Variants in UTP18 observed in about 807,000 individuals in gnomAD.
UTP18 encodes U3 small nucleolar RNA-associated protein 18 homolog.
Under a neutral mutation model 61.1 loss-of-function variants are expected in UTP18, and 36 were observed. That is an observed-to-expected ratio of 0.59 (90% CI 0.45 to 0.78). UTP18 has a LOEUF of 0.78. Among genes scored for constraint, UTP18 ranks in the 30% least tolerant of loss-of-function variants. The pLI, the probability that UTP18 is intolerant of heterozygous loss-of-function variation, is 0.00. For synonymous variants in UTP18, 282 were observed against 251.1 expected (o/e 1.12, Z -1.16); for missense variants, 753 against 693.9 (o/e 1.09, Z -0.96).
chr17:51,272,968 A>G (rs1904576979), intron 4 of UTP18, among the ~76,000 whole-genome samples: 1 of 152,172 alleles, frequency 6.6e-6, no homozygotes, highest in Non-Finnish European at 1.5e-5. Context: ...GTTTTTATTC[A>G]TGTGAGTTGT....
At position 51,285,442 on chromosome 17, in the gene UTP18, A is replaced by G. The variant is rs552570643; in HGVS notation, c.1328+74A>G. 209 of 1,543,398 alleles carry G rather than the reference A, an allele frequency of 1.4e-4. 1 individual carries two copies. In the African/African-American group the frequency reaches 2.3e-3, roughly 17 times the overall value. On this transcript the variant is annotated intron_variant, in intron 10 of 13. Transcript: ENST00000225298. ...AATATGTTGAGGAATTGAATATACT[A>G]GGTGGTGCATGAGTAGTTCTCTTTA...
intron 7 of UTP18, among the ~76,000 whole-genome samples, chr17:51,278,836 G>A (rs1471363974): frequency 6.6e-6 from 1 of 152,220 alleles, no homozygotes; most frequent in African/African-American, 2.4e-5. Context: ...GCCTTTCATA[G>A]TAAGGAGACT....
intron 7 of UTP18, among the ~76,000 whole-genome samples, chr17:51,277,657 T>C (rs1389858958): frequency 6.6e-6 from 1 of 152,212 alleles, no homozygotes; most frequent in Non-Finnish European, 1.5e-5. Context: ...CTGTTTCACC[T>C]CTCTGATCTT....
intron 11 of UTP18, among the ~76,000 whole-genome samples, chr17:51,289,424 G>A (rs1905192953): frequency 6.7e-6 from 1 of 149,352 alleles, no homozygotes; most frequent in Admixed American, 6.7e-5. Flanking sequence ...GGTCAGGCTG[G>A]TCTCGAACTC....
intron 4 of UTP18, among the ~76,000 whole-genome samples, chr17:51,270,208 A>G (rs1454106562): frequency 2.0e-5 from 3 of 152,046 alleles, no homozygotes; most frequent in East Asian, 1.9e-4. Context: ...AGTTTTTCCT[A>G]TTTTGAAATG....
intron 2 of UTP18, 77 bp from the exon 3 acceptor site, chr17:51,266,105 C>G (rs2055558131): frequency 9.0e-7 from 1 of 1,106,290 alleles, no homozygotes; most frequent in South Asian, 2.0e-5. Context: ...AAACATTTTT[C>G]TCCAAGTGCT....
chr17:51,260,571 C>G lies in UTP18; in HGVS notation c.-14C>G, dbSNP rs751192829. The G allele has an allele frequency of 3.1e-6, 5 of 1,609,774 alleles. No homozygotes were observed. Among genetic ancestry groups the G allele is most frequent in the Admixed American group, 3.4e-5 (2 of 59,328 alleles). Reference sequence around the variant, plus strand: ...GTTCCACGTGAGCGCCTGCGTTTCTCCTCAAACCTAACGATGCCGCCGGAG... The same window carrying G: ...GTTCCACGTGAGCGCCTGCGTTTCTGCTCAAACCTAACGATGCCGCCGGAG... On this transcript the variant is annotated 5_prime_UTR_variant, in exon 1 of 14. Transcript: ENST00000225298.
intron 2 of UTP18, among the ~76,000 whole-genome samples, chr17:51,264,621 G>A (rs1396986568): frequency 1.3e-5 from 2 of 150,116 alleles, no homozygotes; most frequent in East Asian, 1.9e-4. Context: ...GACTCTGTCA[G>A]TTTGGTAGTG....
chr17:51,285,745 A>C (rs921688303), intron 10 of UTP18, among the ~76,000 whole-genome samples: 5 of 152,228 alleles, frequency 3.3e-5, no homozygotes, highest in African/African-American at 7.2e-5. Flanking sequence ...CCTAATTTAT[A>C]AATTAAACTT....
At chr17:51,284,745 T>C (rs896120884) in intron 9 of UTP18, among the ~76,000 whole-genome samples, 2 of 152,180 alleles carry the variant, frequency 1.3e-5, no homozygotes, top group African/African-American at 2.4e-5. Context: ...CAGTTTTCTT[T>C]TGTATATGTG....
Position 51,293,894 on chromosome 17 carries a change from C to T in UTP18, c.1504-9C>T. The T allele has an allele frequency of 6.4e-7, 1 of 1,555,560 alleles. No individual in the cohort carries two copies. ...GTTACACTTTAAAGTTTTTTATTAT[C>T]TCCTGCAGGTTCATCTTCCTTCCTG... is the stretch of plus-strand genomic sequence containing the variant. On this transcript the variant is annotated splice_polypyrimidine_tract_variant and intron_variant, in intron 11 of 13. Coordinates refer to ENST00000225298, the MANE Select transcript of UTP18 (RefSeq NM_016001.3).
intron 11 of UTP18, among the ~76,000 whole-genome samples, chr17:51,290,970 C>T (rs1325623864): frequency 6.6e-6 from 1 of 152,206 alleles, no homozygotes; most frequent in East Asian, 1.9e-4. Context: ...ACTCAGAAGT[C>T]AAATTCCTGT....
At chr17:51,280,145 A>C (rs758394742) in intron 8 of UTP18, 40 bp downstream of exon 8, 1 of 1,577,856 alleles carries the variant, frequency 6.3e-7, no homozygotes, top group South Asian at 1.1e-5. Flanking sequence ...CTCCCACAAG[A>C]CACTAGTGTA....
rs1203655255 is a variant in UTP18, at chr17:51,279,656, CAAA to C, written c.1013-348_1013-346del. Among the ~76,000 whole-genome samples, 7 of 152,174 alleles carry C rather than the reference CAAA, an allele frequency of 4.6e-5. No homozygotes were observed. The South Asian group carries it at 6.2e-4, about 14-fold the overall frequency. On this transcript the variant is annotated intron_variant, in intron 7 of 13. Transcript: ENST00000225298. ...TCCCTTCTGGTAATGAACTTTGTGACAAAGAAGTATAATTTATCCTTTTAGTAA... is the reference window on the plus strand; with the variant it reads ...TCCCTTCTGGTAATGAACTTTGTGACGAAGTATAATTTATCCTTTTAGTAA...
At chr17:51,267,201 G>A (rs916272544) in intron 3 of UTP18, among the ~76,000 whole-genome samples, 3 of 152,174 alleles carry the variant, frequency 2.0e-5, no homozygotes, top group Non-Finnish European at 4.4e-5. Context: ...GGGCTCAAGC[G>A]ATCTGCCCTT....
intron 4 of UTP18, among the ~76,000 whole-genome samples, chr17:51,271,654 A>C (rs1904535453): frequency 6.6e-6 from 1 of 151,938 alleles, no homozygotes; most frequent in Non-Finnish European, 1.5e-5. Context: ...CATCTATTGG[A>C]GGCTTAATTT....
In UTP18 at chr17:51,297,015, C is replaced by G; in HGVS notation, c.*14+12C>G. On this transcript the variant is annotated intron_variant, in intron 13 of 13. Coordinates refer to ENST00000225298, the MANE Select transcript of UTP18 (RefSeq NM_016001.3). ...AGAGACTATTTGAAGTAAGAAAACC[C>G]TTTTCTTACAAATTCTGCAGGTTTT... is the stretch of plus-strand genomic sequence containing the variant. 1 of 1,600,022 alleles carries G rather than the reference C, an allele frequency of 6.2e-7. No individual in the cohort carries two copies. Among genetic ancestry groups the G allele is most frequent in the Admixed American group, 1.7e-5 (1 of 58,168 alleles).
At chr17:51,289,256 G>T (rs1217031798) in intron 11 of UTP18, among the ~76,000 whole-genome samples, 1 of 151,370 alleles carries the variant, frequency 6.6e-6, no homozygotes, top group East Asian at 1.9e-4. Context: ...GACTGCAGTG[G>T]TGTGATCTCG....
At chr17:51,297,070 A>C in intron 13 of UTP18, 67 bp downstream of exon 13, 2 of 1,366,132 alleles carry the variant, frequency 1.5e-6, no homozygotes, top group Non-Finnish European at 1.0e-6. Context: ...CAGTTGGTGG[A>C]AGCAGCACAT....
Sources: allele counts gnomAD v4.1 joint callset (sites outside exome capture counted in the v4.1 genomes callset), GRCh38; gene constraint gnomAD v4.1.1; transcripts MANE v1.5; gene names NCBI Gene and HGNC (gene_info 2026-07-23, HGNC 2026-07-21).